Variants in CHST11 observed in about 807,000 individuals in gnomAD.
CHST11 encodes the protein carbohydrate sulfotransferase 11.
A neutral mutation model predicts 30.4 loss-of-function variants in CHST11; 9 were observed. That is an observed-to-expected ratio of 0.30 (90% CI 0.18 to 0.52). The LOEUF (loss-of-function observed/expected upper bound fraction) is 0.52. CHST11 is among the 20% of genes least tolerant of loss of function. CHST11 has a pLI of 0.97. For missense variants in CHST11, 348 were observed against 460.6 expected (o/e 0.76, Z 2.24); for synonymous variants, 152 against 187.8 (o/e 0.81, Z 1.56).
chr12:104,463,372 A>T (rs536100479), intron 1 of CHST11, among the ~76,000 whole-genome samples: 1 of 152,238 alleles, frequency 6.6e-6, no homozygotes, highest in East Asian at 1.9e-4. Flanking sequence ...GAACAATCTG[A>T]TCTGTCAGTT....
intron 2 of CHST11, among the ~76,000 whole-genome samples, chr12:104,632,001 A>G (rs905385118): frequency 2.0e-5 from 3 of 152,160 alleles, no homozygotes; most frequent in African/African-American, 7.2e-5. Flanking sequence ...GCTGGATTCT[A>G]CAGTAGATAC....
intron 2 of CHST11, among the ~76,000 whole-genome samples, chr12:104,716,361 A>G (rs1482222175): frequency 6.6e-6 from 1 of 152,226 alleles, no homozygotes; most frequent in African/African-American, 2.4e-5. Context: ...CTGTGTGACC[A>G]TGAGCACCTC....
At chr12:104,546,070 G>A (rs141938745) in intron 1 of CHST11, among the ~76,000 whole-genome samples, 7 of 152,210 alleles carry the variant, frequency 4.6e-5, no homozygotes, top group South Asian at 2.1e-4. Flanking sequence ...TGGGGATTTC[G>A]ACACACGCAT....
chr12:104,673,238 A>G (rs1334117882), intron 2 of CHST11, among the ~76,000 whole-genome samples: 2 of 152,216 alleles, frequency 1.3e-5, no homozygotes, highest in African/African-American at 2.4e-5. Flanking sequence ...AAGACCGTTT[A>G]TCCAGAGAAG....
At chr12:104,553,844 A>G (rs2038429606) in intron 1 of CHST11, among the ~76,000 whole-genome samples, 1 of 152,202 alleles carries the variant, frequency 6.6e-6, no homozygotes, top group South Asian at 2.1e-4. Flanking sequence ...CACGTTTATT[A>G]TATCACAGTT....
chr12:104,519,512 G>A (rs1168723491), intron 1 of CHST11, among the ~76,000 whole-genome samples: 1 of 152,134 alleles, frequency 6.6e-6, no homozygotes. Context: ...TTTGGTTAGA[G>A]GGTTGGGTAG....
chr12:104,531,500 A>T (rs1037844868), intron 1 of CHST11, among the ~76,000 whole-genome samples: 2 of 150,072 alleles, frequency 1.3e-5, no homozygotes, highest in African/African-American at 2.5e-5. Context: ...AGAGAGAAAG[A>T]TTAAGTGACA....
At chr12:104,509,818 A>G (rs984296995) in intron 1 of CHST11, among the ~76,000 whole-genome samples, 7 of 152,234 alleles carry the variant, frequency 4.6e-5, no homozygotes, top group African/African-American at 1.7e-4. Flanking sequence ...ATTTAAGGTA[A>G]CATGAACTTC....
chr12:104,570,113 T>A (rs965473255), intron 1 of CHST11, among the ~76,000 whole-genome samples: 3 of 152,138 alleles, frequency 2.0e-5, no homozygotes, highest in African/African-American at 4.8e-5. Context: ...TCGGCTGTGA[T>A]CCAGCCTATT....
At position 104,660,415 on chromosome 12, in the gene CHST11, C is replaced by T. The variant is rs1017888817; in HGVS notation, c.204+58424C>T. 1.2e-4 allele frequency among the ~76,000 whole-genome samples: 19 copies of T among 152,340 alleles called. 1 individual carries two copies. Among genetic ancestry groups the T allele is most frequent in the Admixed American group, 9.1e-4 (14 of 15,304 alleles). Reference sequence around the variant, plus strand: ...GAATGGCTGGGTTTGATGGCAGAGCCACCGTCTTGCTCTTCAGCCCAAGGG... The same window carrying T: ...GAATGGCTGGGTTTGATGGCAGAGCTACCGTCTTGCTCTTCAGCCCAAGGG... On this transcript the variant is annotated intron_variant, in intron 2 of 2. Transcript: ENST00000303694.
chr12:104,718,665 C>T (rs2040150502), intron 2 of CHST11, among the ~76,000 whole-genome samples: 1 of 152,178 alleles, frequency 6.6e-6, no homozygotes, highest in South Asian at 2.1e-4. Context: ...ATCACTCCTA[C>T]TTTAGAACTG....
chr12:104,464,469 C>CCCCA (rs1486160016), intron 1 of CHST11, among the ~76,000 whole-genome samples: 1 of 152,014 alleles, frequency 6.6e-6, no homozygotes, highest in African/African-American at 2.4e-5. Flanking sequence ...CCCCCTTGAC[C>CCCCA]CCCAACTAGA....
chr12:104,537,420 TG>T (rs2038247375), intron 1 of CHST11, among the ~76,000 whole-genome samples: 1 of 152,146 alleles, frequency 6.6e-6, no homozygotes, highest in Admixed American at 6.5e-5. Flanking sequence ...GTTAACAGGG[TG>T]GGCTCTGAGG....
rs1338908012 is a variant in CHST11 at position 104,736,617 on chromosome 12, G to T, written c.205-20332G>T. On this transcript the variant is annotated intron_variant, in intron 2 of 2. Coordinates refer to ENST00000303694, the MANE Select transcript of CHST11 (RefSeq NM_018413.6). ...CAGAGAGGCAGTGGTGGGCTGTTGGGCTGGGACCCACTGCACGTACAACTC... is the reference window on the plus strand; with the variant it reads ...CAGAGAGGCAGTGGTGGGCTGTTGGTCTGGGACCCACTGCACGTACAACTC... 3.3e-5 allele frequency among the ~76,000 whole-genome samples: 5 copies of T among 152,194 alleles called. No homozygotes were observed. In the South Asian group the frequency reaches 6.2e-4, roughly 19 times the overall value.
intron 2 of CHST11, among the ~76,000 whole-genome samples, chr12:104,711,038 C>A (rs1269934066): frequency 6.6e-6 from 1 of 152,164 alleles, no homozygotes; most frequent in Non-Finnish European, 1.5e-5. Flanking sequence ...TTTAGCAAAA[C>A]TTCCATTTTA....
chr12:104,509,250 T>C (rs543692761), intron 1 of CHST11, among the ~76,000 whole-genome samples: 2 of 152,326 alleles, frequency 1.3e-5, no homozygotes, highest in East Asian at 1.9e-4. Flanking sequence ...CTGCCATCCA[T>C]GTAAGATGTC....
chr12:104,755,205 G>A (rs1285581048), intron 2 of CHST11, among the ~76,000 whole-genome samples: 1 of 152,194 alleles, frequency 6.6e-6, no homozygotes, highest in Non-Finnish European at 1.5e-5. Flanking sequence ...TACTTGGGTT[G>A]CACTCAAGTC....
chr12:104,590,093 CT>C (rs1218326854), intron 1 of CHST11, among the ~76,000 whole-genome samples: 3 of 152,192 alleles, frequency 2.0e-5, no homozygotes, highest in African/African-American at 7.2e-5. Flanking sequence ...CCGCATGACC[CT>C]TGTAAGTACC....
intron 2 of CHST11, among the ~76,000 whole-genome samples, chr12:104,613,312 T>C (rs2039078581): frequency 6.6e-6 from 1 of 152,098 alleles, no homozygotes; most frequent in Non-Finnish European, 1.5e-5. Flanking sequence ...TAGATACATA[T>C]AAAAGGAATG....
Sources: gnomAD v4.1 joint callset for allele counts (sites outside exome capture counted in the v4.1 genomes callset) on GRCh38, gnomAD v4.1.1 for gene constraint, MANE v1.5 for transcripts, NCBI Gene and HGNC (gene_info 2026-07-23, HGNC 2026-07-21) for gene names.